Variants in PDE4D observed in about 807,000 individuals in gnomAD.
PDE4D encodes the protein 3',5'-cyclic-AMP phosphodiesterase 4D.
Under a neutral mutation model 87.4 loss-of-function variants are expected in PDE4D, and 24 were observed. The ratio of observed to expected loss-of-function variants is 0.27; its 90% CI spans 0.20 to 0.39. The LOEUF (loss-of-function observed/expected upper bound fraction) is 0.39. Ranked by LOEUF, PDE4D falls within the 10% of genes least tolerant of loss-of-function variation. PDE4D has a pLI of 1.00. For synonymous variants in PDE4D, 384 were observed against 383.2 expected (o/e 1.00, Z -0.02); for missense variants, 714 against 1,041.0 (o/e 0.69, Z 4.32).
chr5:59,481,939 A>T (rs192389844), intron 1 of PDE4D, among the ~76,000 whole-genome samples: 1 of 152,292 alleles, frequency 6.6e-6, no homozygotes, highest in African/African-American at 2.4e-5. Context: ...CATAGAAATT[A>T]TAAGTTAATT....
intron 2 of PDE4D, among the ~76,000 whole-genome samples, chr5:60,145,863 G>A (rs1034795354): frequency 1.1e-4 from 17 of 152,228 alleles, no homozygotes; most frequent in Non-Finnish European, 2.1e-4. Context: ...ATATGCCCTT[G>A]CCTTTGTTCA....
At chr5:59,016,099 G>T (rs1753904919) in intron 6 of PDE4D, among the ~76,000 whole-genome samples, 1 of 152,062 alleles carries the variant, frequency 6.6e-6, no homozygotes, top group Non-Finnish European at 1.5e-5. Flanking sequence ...GACACAGGAT[G>T]GGGGAACATC....
chr5:59,749,144 G>A (rs1036769693), intron 1 of PDE4D, among the ~76,000 whole-genome samples: 14 of 152,160 alleles, frequency 9.2e-5, no homozygotes, highest in African/African-American at 2.2e-4. Flanking sequence ...TCTACTGATC[G>A]ACTTGTGTTG....
chr5:59,882,333 C>G (rs1158030076), intron 1 of PDE4D, among the ~76,000 whole-genome samples: 2 of 151,922 alleles, frequency 1.3e-5, no homozygotes, highest in Non-Finnish European at 2.9e-5. Context: ...AACTGAAAAC[C>G]CAGGTGGTGG....
chr5:59,409,779 A>T (rs1459368500), intron 1 of PDE4D, among the ~76,000 whole-genome samples: 1 of 149,320 alleles, frequency 6.7e-6, no homozygotes, highest in Non-Finnish European at 1.5e-5. Context: ...TAGCAACGCA[A>T]TAATGGCCTA....
intron 3 of PDE4D, among the ~76,000 whole-genome samples, chr5:59,939,042 C>T (rs1421600426): frequency 6.6e-6 from 1 of 152,138 alleles, no homozygotes; most frequent in Non-Finnish European, 1.5e-5. Context: ...CAGAGTGAAA[C>T]CCTTCTTAAC....
chr5:59,112,993 G>A (rs974486433), intron 5 of PDE4D, among the ~76,000 whole-genome samples: 1 of 151,844 alleles, frequency 6.6e-6, no homozygotes, highest in African/African-American at 2.4e-5. Context: ...TAGCGATGGG[G>A]TTTCTCCATG....
Position 59,523,010 on chromosome 5 carries a change from T to C in PDE4D, c.456-307042A>G, listed in dbSNP as rs563377417. Reference sequence around the variant, plus strand: ...ACTCAGTCCCTGCTCAATTAGCTTATAATTTAATTAGTCCTAAATGCAAAT... The same window carrying C: ...ACTCAGTCCCTGCTCAATTAGCTTACAATTTAATTAGTCCTAAATGCAAAT... On this transcript the variant is annotated intron_variant, in intron 1 of 14. Coordinates refer to ENST00000340635, the MANE Select transcript of PDE4D (RefSeq NM_001104631.2). Among the ~76,000 whole-genome samples, 148 of 152,370 alleles carry C rather than the reference T, an allele frequency of 9.7e-4. 1 individual carries two copies. Among genetic ancestry groups the C allele is most frequent in the African/African-American group, 3.5e-3 (145 of 41,590 alleles).
intron 1 of PDE4D, among the ~76,000 whole-genome samples, chr5:59,767,759 G>T (rs1423002462): frequency 6.6e-6 from 1 of 152,098 alleles, no homozygotes; most frequent in Non-Finnish European, 1.5e-5. Flanking sequence ...CAGGAGTGAG[G>T]AAGGGCTTTA....
chr5:59,608,339 T>G (rs1828509178), intron 1 of PDE4D, among the ~76,000 whole-genome samples: 1 of 152,158 alleles, frequency 6.6e-6, no homozygotes, highest in African/African-American at 2.4e-5. Context: ...GAGAAGAGGA[T>G]AAGCAAAACC....
chr5:60,039,390 A>G (rs10461444), intron 2 of PDE4D, among the ~76,000 whole-genome samples: 1 of 146,068 alleles, frequency 6.8e-6, no homozygotes. Context: ...AACAATGAGA[A>G]CACATGGACA....
intron 1 of PDE4D, among the ~76,000 whole-genome samples, chr5:60,485,569 T>C (rs1252654112): frequency 1.3e-5 from 2 of 152,232 alleles, no homozygotes; most frequent in Non-Finnish European, 2.9e-5. Context: ...GATACATCTT[T>C]CGTCAAATCC....
At chr5:60,290,212 C>A (rs1166746403) in intron 1 of PDE4D, among the ~76,000 whole-genome samples, 2 of 151,756 alleles carry the variant, frequency 1.3e-5, no homozygotes, top group Non-Finnish European at 2.9e-5. Flanking sequence ...GAAATTAGAA[C>A]AATAAAAGAT....
chr5:59,076,561 G>A (rs1208058099), intron 5 of PDE4D, among the ~76,000 whole-genome samples: 2 of 152,116 alleles, frequency 1.3e-5, no homozygotes, highest in African/African-American at 4.8e-5. Flanking sequence ...TACAGTTCAT[G>A]CAATTAACAA....
intron 11 of PDE4D, among the ~76,000 whole-genome samples, chr5:58,978,988 T>C (rs1288508575): frequency 6.6e-6 from 1 of 152,152 alleles, no homozygotes; most frequent in Non-Finnish European, 1.5e-5. Context: ...TGGATAATTA[T>C]TAGAGTTCGT....
chr5:60,316,320 T>A (rs1755592681), intron 1 of PDE4D, among the ~76,000 whole-genome samples: 1 of 152,212 alleles, frequency 6.6e-6, no homozygotes, highest in Non-Finnish European at 1.5e-5. Context: ...GCTTGTGATT[T>A]TTGCACATTG....
intron 1 of PDE4D, among the ~76,000 whole-genome samples, chr5:60,464,021 C>T (rs1336164832): frequency 2.0e-5 from 3 of 152,146 alleles, no homozygotes. Flanking sequence ...TTCTTTCCTT[C>T]TTTCTCTCTC....
intron 5 of PDE4D, among the ~76,000 whole-genome samples, chr5:59,127,200 TG>T (rs1260161797): frequency 2.0e-5 from 3 of 152,098 alleles, no homozygotes; most frequent in African/African-American, 7.2e-5. Context: ...GTGTGAGGGA[TG>T]GGGGAAGAGT....
intron 11 of PDE4D, among the ~76,000 whole-genome samples, chr5:58,979,487 T>C (rs971972592): frequency 2.0e-5 from 3 of 152,154 alleles, no homozygotes; most frequent in African/African-American, 7.2e-5. Context: ...ACTGAAGGCA[T>C]ATGGTCACAT....
Sources: allele counts gnomAD v4.1 joint callset (sites outside exome capture counted in the v4.1 genomes callset), GRCh38; gene constraint gnomAD v4.1.1; transcripts MANE v1.5; gene names NCBI Gene and HGNC (gene_info 2026-07-23, HGNC 2026-07-21).